GUCY1A2: variants seen among roughly 807,000 people sequenced by gnomAD.
GUCY1A2 encodes guanylate cyclase soluble subunit alpha-2.
Under a neutral mutation model 63.5 loss-of-function variants are expected in GUCY1A2, and 27 were observed. The ratio of observed to expected loss-of-function variants is 0.43; its 90% CI spans 0.31 to 0.59. GUCY1A2 has a LOEUF of 0.59. Among genes scored for constraint, GUCY1A2 ranks in the 20% least tolerant of loss-of-function variants. The probability of loss-of-function intolerance (pLI) is 0.11; values close to 1 mark genes in which losing one functional copy is unlikely to be tolerated. For synonymous variants in GUCY1A2, 364 were observed against 343.5 expected, an observed-to-expected ratio of 1.06 and a Z score of -0.66; for missense variants, 768 against 913.3, an observed-to-expected ratio of 0.84 and a Z score of 2.05.
chr11:106,997,695 T>C lies in GUCY1A2; in HGVS notation c.304-11564A>G, dbSNP rs117787808. 3.6e-3 allele frequency among the ~76,000 whole-genome samples: 489 copies of C among 135,244 alleles called. 1 individual carries two copies. The highest frequency in any genetic ancestry group is 0.011 in the Admixed American group (125 of 11,118). The allele number at this position is 135,244 out of a possible 152,430, so 88.7% of individuals were successfully genotyped here. ...GCTATGCTGAGAAATAATAGCATGGTAGAAAGAGCTTAGGGTTTGCAATAG... is the reference window on the plus strand; with the variant it reads ...GCTATGCTGAGAAATAATAGCATGGCAGAAAGAGCTTAGGGTTTGCAATAG... On this transcript the variant is annotated intron_variant, in intron 1 of 7. Transcript: ENST00000526355.
intron 4 of GUCY1A2, among the ~76,000 whole-genome samples, chr11:106,822,877 T>C (rs183288129): frequency 5.3e-5 from 8 of 152,258 alleles, no homozygotes; most frequent in African/African-American, 1.9e-4. Flanking sequence ...ATTAAAATAA[T>C]AGTTGAAGGC....
chr11:106,729,961 T>G (rs1476443951), intron 6 of GUCY1A2, among the ~76,000 whole-genome samples: 5 of 150,178 alleles, frequency 3.3e-5, no homozygotes, highest in African/African-American at 4.9e-5. Context: ...AAAATTAGAG[T>G]CTATTTTCTA....
chr11:106,964,526 G>A (rs147637861), intron 3 of GUCY1A2, among the ~76,000 whole-genome samples: 54 of 152,254 alleles, frequency 3.5e-4, no homozygotes, highest in African/African-American at 1.3e-3. Context: ...AGTATAAGCT[G>A]GGTTCCTCCT....
intron 4 of GUCY1A2, among the ~76,000 whole-genome samples, chr11:106,826,200 A>G (rs1021444673): frequency 1.3e-5 from 2 of 152,230 alleles, no homozygotes; most frequent in African/African-American, 2.4e-5. Flanking sequence ...TTGGAAAGAT[A>G]TATCTATAAA....
intron 4 of GUCY1A2, among the ~76,000 whole-genome samples, chr11:106,877,115 GCTT>G (rs953502550): frequency 6.6e-6 from 1 of 152,008 alleles, no homozygotes; most frequent in Non-Finnish European, 1.5e-5. Context: ...TCCTGATTTG[GCTT>G]TCAGCTTGAC....
intron 4 of GUCY1A2, among the ~76,000 whole-genome samples, chr11:106,936,926 A>G (rs1860686233): frequency 6.6e-6 from 1 of 152,218 alleles, no homozygotes; most frequent in Admixed American, 6.5e-5. Context: ...GGGGAAAATA[A>G]TGAAGACAAA....
At chr11:106,922,673 A>G (rs1860463122) in intron 4 of GUCY1A2, among the ~76,000 whole-genome samples, 1 of 2,694 alleles carries the variant, frequency 3.7e-4, no homozygotes. Flanking sequence ...ATATATATAT[A>G]TATATATATA....
Position 106,939,524 on chromosome 11 carries a change from C to A in GUCY1A2, c.1142G>T (p.Arg381Leu). The change falls in exon 4 of 8, where the codon CGA becomes CTA. Residue 381 changes from arginine (R) to leucine (L), a missense_variant. By Grantham distance (102) the Arg-to-Leu change is moderately radical. This residue lies in a region of GUCY1A2 where 496 missense variants were observed against 486.9 expected (regional missense o/e 1.02). Transcript: ENST00000526355. Reference protein sequence around the residue: ...VNATFERVLLRLSTPFVIRTK... With the variant: ...VNATFERVLLLLSTPFVIRTK... ...TCTAATCACAAACGGGGTAGACAGT[C>A]GCAGCAGGACCCTTTCAAAGGTGGC... is the stretch of plus-strand genomic sequence containing the variant. 1 of 1,613,340 alleles carries A rather than the reference C, an allele frequency of 6.2e-7. No individual in the cohort carries two copies. Among genetic ancestry groups the A allele is most frequent in the Non-Finnish European group, 8.5e-7 (1 of 1,179,318 alleles).
chr11:106,972,360 C>T (rs542506552), intron 3 of GUCY1A2, among the ~76,000 whole-genome samples: 13 of 151,864 alleles, frequency 8.6e-5, no homozygotes, highest in Admixed American at 2.0e-4. Context: ...TACATTAAAA[C>T]TTCATTTAAA....
intron 1 of GUCY1A2, among the ~76,000 whole-genome samples, chr11:107,002,041 C>G (rs187157556): frequency 1.3e-5 from 2 of 151,796 alleles, no homozygotes; most frequent in Admixed American, 1.3e-4. Flanking sequence ...AAATTGTTGC[C>G]CAACCACAAT....
intron 1 of GUCY1A2, among the ~76,000 whole-genome samples, chr11:107,017,490 A>G (rs1478870072): frequency 3.3e-5 from 5 of 152,216 alleles, no homozygotes; most frequent in African/African-American, 1.2e-4. Flanking sequence ...GTTCAAGGCT[A>G]GAGGTGGGCA....
Position 106,822,507 on chromosome 11 carries a change from C to G in GUCY1A2, c.1207-12029G>C, listed in dbSNP as rs1177656320. ...CCAACAGGTAGTTTTTCGACCCTCACCCTCCTCTCAGCCTCCTCCCTCAAG... is the reference window on the plus strand; with the variant it reads ...CCAACAGGTAGTTTTTCGACCCTCAGCCTCCTCTCAGCCTCCTCCCTCAAG... On this transcript the variant is annotated intron_variant, in intron 4 of 7. Coordinates refer to ENST00000526355, the MANE Select transcript of GUCY1A2 (RefSeq NM_000855.3). Among the ~76,000 whole-genome samples, 3 of 152,222 alleles carry G rather than the reference C, an allele frequency of 2.0e-5. No homozygotes were observed. In the South Asian group the frequency reaches 6.2e-4, roughly 32 times the overall value.
intron 4 of GUCY1A2, among the ~76,000 whole-genome samples, chr11:106,917,322 T>C (rs951079983): frequency 6.9e-6 from 1 of 145,264 alleles, no homozygotes; most frequent in Non-Finnish European, 1.5e-5. Flanking sequence ...AGATGCAAGA[T>C]TGGGGCAGCT....
intron 4 of GUCY1A2, among the ~76,000 whole-genome samples, chr11:106,830,733 C>T (rs1269917895): frequency 1.3e-5 from 2 of 152,166 alleles, no homozygotes; most frequent in African/African-American, 4.8e-5. Context: ...TGAGTTAATA[C>T]TTCTTAATAA....
intron 7 of GUCY1A2, among the ~76,000 whole-genome samples, chr11:106,688,496 C>A (rs550682690): frequency 6.6e-6 from 1 of 152,272 alleles, no homozygotes; most frequent in South Asian, 2.1e-4. Flanking sequence ...TTTAATTCAA[C>A]AGCTCTTGAT....
chr11:106,764,998 T>A (rs5010373), intron 6 of GUCY1A2, among the ~76,000 whole-genome samples: 113,790 of 139,808 alleles, frequency 0.81, 46,578 homozygotes, highest in East Asian at 0.98. Flanking sequence ...CAGGAATAAA[T>A]AGTGCATAAA....
chr11:106,712,934 G>C (rs528520050), intron 6 of GUCY1A2, among the ~76,000 whole-genome samples: 1 of 152,150 alleles, frequency 6.6e-6, no homozygotes, highest in African/African-American at 2.4e-5. Context: ...CTACCCTGCA[G>C]AATACATAAT....
At chr11:106,765,405 A>AAGTT (rs2135394587) in intron 6 of GUCY1A2, among the ~76,000 whole-genome samples, 1 of 152,236 alleles carries the variant, frequency 6.6e-6, no homozygotes, top group Non-Finnish European at 1.5e-5. Flanking sequence ...CTTCCTCACC[A>AAGTT]AGTTAGTAAT....
At chr11:106,871,339 A>G (rs1183712926) in intron 4 of GUCY1A2, among the ~76,000 whole-genome samples, 3 of 152,168 alleles carry the variant, frequency 2.0e-5, no homozygotes, top group Non-Finnish European at 4.4e-5. Context: ...GCAGTCTTAA[A>G]ATAACAAACA....
Sources: gnomAD v4.1 joint callset for allele counts (sites outside exome capture counted in the v4.1 genomes callset) on GRCh38, gnomAD v4.1.1 for gene constraint, gnomAD v4.1.1 regional missense constraint, MANE v1.5 for transcripts, NCBI Gene and HGNC (gene_info 2026-07-23, HGNC 2026-07-21) for gene names.